The following CDH2 variants were observed in gnomAD, a reference collection of about 807,000 sequenced individuals.
CDH2 encodes the protein cadherin-2.
A neutral mutation model predicts 92.0 loss-of-function variants in CDH2; 17 were observed. That is an observed-to-expected ratio of 0.18 (90% CI 0.13 to 0.28). CDH2 has a LOEUF of 0.28. Among genes scored for constraint, CDH2 ranks in the 10% least tolerant of loss-of-function variants. CDH2 has a pLI of 1.00. For synonymous variants in CDH2, 419 were observed against 415.9 expected (o/e 1.01, Z -0.09); for missense variants, 862 against 1,133.1 (o/e 0.76, Z 3.44).
chr18:28,105,021 A>G (rs2015299388), intron 2 of CDH2, among the ~76,000 whole-genome samples: 1 of 152,090 alleles, frequency 6.6e-6, no homozygotes, highest in Non-Finnish European at 1.5e-5. Flanking sequence ...CAATGGTAAA[A>G]CACTTGATCT....
intron 14 of CDH2, among the ~76,000 whole-genome samples, chr18:27,976,600 T>C (rs1265433463): frequency 6.6e-6 from 1 of 152,238 alleles, no homozygotes; most frequent in Non-Finnish European, 1.5e-5. Flanking sequence ...TTCACTTTGC[T>C]ACTTTCTAAC....
chr18:27,950,319 A>C (rs976368461), downstream of CDH2, among the ~76,000 whole-genome samples: 2 of 152,192 alleles, frequency 1.3e-5, no homozygotes. Context: ...AGATAAATAC[A>C]AGTGGAGAAT....
chr18:28,086,604 T>C (rs2014932988), intron 2 of CDH2, among the ~76,000 whole-genome samples: 1 of 152,164 alleles, frequency 6.6e-6, no homozygotes, highest in South Asian at 2.1e-4. Flanking sequence ...ACCATGGTTC[T>C]AAATAATATA....
At chr18:28,075,259 C>T (rs2014696917) in intron 2 of CDH2, among the ~76,000 whole-genome samples, 1 of 152,130 alleles carries the variant, frequency 6.6e-6, no homozygotes, top group East Asian at 1.9e-4. Context: ...GGATCACATA[C>T]ATCTCAAGGG....
At chr18:27,990,715 A>G (rs2012388676) in intron 9 of CDH2, among the ~76,000 whole-genome samples, 1 of 152,222 alleles carries the variant, frequency 6.6e-6, no homozygotes, top group South Asian at 2.1e-4. Context: ...GTCTAAATGT[A>G]TACTCTCAAA....
intron 2 of CDH2, among the ~76,000 whole-genome samples, chr18:28,053,029 G>A (rs540137399): frequency 1.2e-4 from 19 of 152,272 alleles, no homozygotes; most frequent in Non-Finnish European, 2.5e-4. Flanking sequence ...ACATGCATGT[G>A]CACAGAGGGA....
In CDH2 at chr18:27,951,802, T is replaced by G. The variant is rs1909469292; in HGVS notation, c.*351A>C. 9.3e-6 allele frequency: 2 copies of G among 214,652 alleles called. No individual in the cohort carries two copies. 13.3% of individuals were successfully genotyped at this position (214,652 alleles called of 1,614,324 possible). ...GTGTTGAAGCATATCATGGTTTAACTTACTGCTCCCACCACAAAATATTTT... is the reference window on the plus strand; with the variant it reads ...GTGTTGAAGCATATCATGGTTTAACGTACTGCTCCCACCACAAAATATTTT... On this transcript the variant is annotated 3_prime_UTR_variant, in exon 16 of 16. Transcript: ENST00000269141.
At chr18:28,012,598 T>C (rs527388932) in intron 3 of CDH2, among the ~76,000 whole-genome samples, 13 of 152,320 alleles carry the variant, frequency 8.5e-5, no homozygotes, top group African/African-American at 3.1e-4. Context: ...TGTAGACATT[T>C]TAGCCATTAG....
intron 2 of CDH2, among the ~76,000 whole-genome samples, chr18:28,134,489 T>C (rs2015829029): frequency 1.3e-5 from 2 of 152,078 alleles, no homozygotes. Flanking sequence ...GTGGGAAGAT[T>C]GCTCAGCTCA....
chr18:28,031,047 A>C (rs12962794), intron 2 of CDH2, among the ~76,000 whole-genome samples: 2 of 151,260 alleles, frequency 1.3e-5, no homozygotes, highest in African/African-American at 4.9e-5. Flanking sequence ...TGAATCTTGA[A>C]TATATATGTC....
chr18:28,168,552 A>C, intron 1 of CDH2: 1 of 262,850 alleles, frequency 3.8e-6, no homozygotes, highest in Non-Finnish European at 5.9e-6. Context: ...GGCTTTCAGA[A>C]AGTATTTTAA....
intron 15 of CDH2, among the ~76,000 whole-genome samples, chr18:27,958,922 C>G (rs1001877234): frequency 7.2e-5 from 11 of 152,232 alleles, no homozygotes; most frequent in Admixed American, 6.5e-4. Context: ...TCCCTTCTGG[C>G]AAGATTGTAA....
chr18:28,019,369 A>G (rs969121311), intron 2 of CDH2, among the ~76,000 whole-genome samples: 1 of 151,968 alleles, frequency 6.6e-6, no homozygotes, highest in African/African-American at 2.4e-5. Flanking sequence ...AAGGAAGGAA[A>G]GAAAGAGAAA....
intron 2 of CDH2, among the ~76,000 whole-genome samples, chr18:28,031,146 A>G (rs1486278438): frequency 1.3e-5 from 2 of 151,372 alleles, no homozygotes; most frequent in Non-Finnish European, 2.9e-5. Flanking sequence ...AGCAACTCAA[A>G]CTACAGAGAT....
chr18:28,095,809 A>G (rs1173364171), intron 2 of CDH2, among the ~76,000 whole-genome samples: 1 of 86,464 alleles, frequency 1.2e-5, no homozygotes, highest in Admixed American at 1.0e-4. Flanking sequence ...AACTCCATCA[A>G]AAAAAAAAAA....
intron 2 of CDH2, among the ~76,000 whole-genome samples, chr18:28,120,841 T>C (rs1250622977): frequency 1.3e-5 from 2 of 152,168 alleles, no homozygotes; most frequent in South Asian, 2.1e-4. Flanking sequence ...AAGTTGTTTG[T>C]TGTTGTTTTT....
chr18:28,006,455 C>T (rs2012920437), intron 5 of CDH2, among the ~76,000 whole-genome samples: 1 of 152,012 alleles, frequency 6.6e-6, no homozygotes, highest in Non-Finnish European at 1.5e-5. Flanking sequence ...CGGTGGCTCA[C>T]GCCTGTAATC....
chr18:27,955,161 TAC>T (rs2143860619), intron 15 of CDH2, among the ~76,000 whole-genome samples: 1 of 152,026 alleles, frequency 6.6e-6, no homozygotes, highest in South Asian at 2.1e-4. Context: ...TAAGCGAAAA[TAC>T]ACACAGAGCC....
At chr18:28,121,465 A>G (rs1236258094) in intron 2 of CDH2, among the ~76,000 whole-genome samples, 2 of 151,906 alleles carry the variant, frequency 1.3e-5, no homozygotes, top group Admixed American at 6.6e-5. Context: ...CCTAACCTCT[A>G]CATTTGGGTC....
Sources: allele counts gnomAD v4.1 joint callset (sites outside exome capture counted in the v4.1 genomes callset), GRCh38; gene constraint gnomAD v4.1.1; transcripts MANE v1.5; gene names NCBI Gene and HGNC (gene_info 2026-07-23, HGNC 2026-07-21).